The following GRIP1 variants were observed in gnomAD, a reference collection of about 807,000 sequenced individuals.
GRIP1 encodes the protein glutamate receptor interacting protein 1, also known as glutamate receptor-interacting protein 1.
A neutral mutation model predicts 129.9 loss-of-function variants in GRIP1; 45 were observed. The observed-to-expected ratio is 0.35, with a 90% CI of 0.27 to 0.44. GRIP1 has a LOEUF of 0.44. GRIP1 is among the 20% of genes least tolerant of loss of function. GRIP1 has a pLI of 1.00. For synonymous variants in GRIP1, 530 were observed against 520.8 expected, an observed-to-expected ratio of 1.02 and a Z score of -0.24; for missense variants, 1,196 against 1,396.8, an observed-to-expected ratio of 0.86 and a Z score of 2.29.
intron 15 of GRIP1, among the ~76,000 whole-genome samples, chr12:66,413,634 A>C (rs1339028874): frequency 6.6e-6 from 1 of 152,170 alleles, no homozygotes; most frequent in Admixed American, 6.5e-5. Flanking sequence ...CCTGGGAGAG[A>C]TATACAACAG....
chr12:66,430,332 G>A (rs1486117461), intron 14 of GRIP1, among the ~76,000 whole-genome samples: 1 of 152,226 alleles, frequency 6.6e-6, no homozygotes, highest in Non-Finnish European at 1.5e-5. Context: ...TGTAGCTCTA[G>A]AAGAACTGAC....
At chr12:66,681,888 T>C (rs551822199), upstream of GRIP1, among the ~76,000 whole-genome samples, 40 of 152,174 alleles carry the variant, frequency 2.6e-4, no homozygotes, top group Non-Finnish European at 4.3e-4. Context: ...TGCTAAGGTG[T>C]AATACAAGTG....
intron 1 of GRIP1, among the ~76,000 whole-genome samples, chr12:66,845,826 T>C (rs1471060177): frequency 6.6e-6 from 1 of 152,166 alleles, no homozygotes; most frequent in Non-Finnish European, 1.5e-5. Flanking sequence ...ATAATTCTCT[T>C]AATGAAGTGC....
At position 66,550,089 on chromosome 12, in the gene GRIP1, G is replaced by A. The variant is rs182068577; in HGVS notation, c.137-8139C>T. Among the ~76,000 whole-genome samples the A allele has an allele frequency of 2.7e-3, 417 of 152,102 alleles. 4 individuals are homozygous for A. In the Middle Eastern group the frequency reaches 0.044, roughly 16 times the overall value. On this transcript the variant is annotated intron_variant, in intron 2 of 24. Coordinates refer to ENST00000359742, the MANE Select transcript of GRIP1 (RefSeq NM_001366722.1). ...AAAAAATCCCTGCTTTTAAAATATG[G>A]CAATACGAGAATTGTTCCAATTTCT...
chr12:66,571,047 A>T (rs1164783850), intron 2 of GRIP1: 1 of 152,230 alleles, frequency 6.6e-6, no homozygotes, highest in African/African-American at 2.4e-5. Flanking sequence ...TTCTTTCTGC[A>T]CTATCACTTT....
At position 66,813,257 on chromosome 12, in the gene GRIP1, C is replaced by T. The variant is rs140084576; in HGVS notation, c.59-216330G>A. 3.5e-3 allele frequency among the ~76,000 whole-genome samples: 530 copies of T among 152,160 alleles called. 2 individuals carry two copies. Among genetic ancestry groups the T allele is most frequent in the African/African-American group, 0.012 (478 of 41,510 alleles). The stretch of plus-strand genomic sequence containing the variant: ...GGAAGCAAGAGAGAGGAAAAGGTGC[C>T]GGGCTCCTTGTAAATAACCAGCTCT... On this transcript the variant is annotated intron_variant, in intron 1 of 1. Transcript: ENST00000643019.
At chr12:66,653,758 T>C (rs1238946793) in intron 1 of GRIP1, among the ~76,000 whole-genome samples, 2 of 152,164 alleles carry the variant, frequency 1.3e-5, no homozygotes, top group African/African-American at 2.4e-5. Flanking sequence ...GCTTAACACA[T>C]AGCAATGAAA....
chr12:66,542,691 C>A (rs2061822582), intron 2 of GRIP1, among the ~76,000 whole-genome samples: 1 of 152,160 alleles, frequency 6.6e-6, no homozygotes, highest in Non-Finnish European at 1.5e-5. Flanking sequence ...GGTAAGAAAA[C>A]TGTAAGAATA....
At chr12:66,568,410 A>T (rs1383663244) in intron 2 of GRIP1, 1 of 173,282 alleles carries the variant, frequency 5.8e-6, no homozygotes, top group East Asian at 1.7e-4. Flanking sequence ...CTTTAGTAAG[A>T]TCCATACTAA....
At chr12:66,880,552 T>C (rs2040460888) in intron 1 of GRIP1, among the ~76,000 whole-genome samples, 3 of 152,114 alleles carry the variant, frequency 2.0e-5, no homozygotes, top group Non-Finnish European at 2.9e-5. Flanking sequence ...GACAGAGTGA[T>C]GGACTCTTTA....
At chr12:66,538,491 T>C (rs530250866) in intron 4 of GRIP1, among the ~76,000 whole-genome samples, 1 of 151,842 alleles carries the variant, frequency 6.6e-6, no homozygotes, top group East Asian at 2.0e-4. Flanking sequence ...CCACCATGCC[T>C]AGCCCTTGCA....
chr12:66,751,310 G>A (rs183685458), intron 1 of GRIP1, among the ~76,000 whole-genome samples: 108 of 152,238 alleles, frequency 7.1e-4, no homozygotes, highest in Non-Finnish European at 1.1e-3. Context: ...AGAGGAGTTC[G>A]GTGAGTAGAG....
At chr12:66,882,706 A>G (rs1476261401) in intron 1 of GRIP1, among the ~76,000 whole-genome samples, 1 of 152,198 alleles carries the variant, frequency 6.6e-6, no homozygotes, top group Admixed American at 6.5e-5. Context: ...AAATATTATA[A>G]GCATTAATAT....
intron 1 of GRIP1, among the ~76,000 whole-genome samples, chr12:67,065,467 G>A (rs1255377944): frequency 6.6e-6 from 1 of 152,056 alleles, no homozygotes; most frequent in African/African-American, 2.4e-5. Context: ...GTTTTCCCCT[G>A]GTGAATGTAT....
intron 1 of GRIP1, among the ~76,000 whole-genome samples, chr12:66,851,500 G>A (rs766181150): frequency 1.3e-4 from 19 of 151,992 alleles, no homozygotes; most frequent in African/African-American, 3.9e-4. Context: ...AATCTTCATC[G>A]TGCAGGTTTC....
At chr12:66,521,863 C>G (rs373977094) in intron 5 of GRIP1, among the ~76,000 whole-genome samples, 1 of 152,192 alleles carries the variant, frequency 6.6e-6, no homozygotes, top group African/African-American at 2.4e-5. Flanking sequence ...TATCCCGTAC[C>G]TGGCTTGGAG....
chr12:66,949,994 T>C (rs1216734214), intron 1 of GRIP1, among the ~76,000 whole-genome samples: 1 of 151,612 alleles, frequency 6.6e-6, no homozygotes, highest in Non-Finnish European at 1.5e-5. Context: ...GCCAAGATGG[T>C]CTCAATCTCC....
chr12:66,694,300 G>A (rs970472746), intron 1 of GRIP1, among the ~76,000 whole-genome samples: 2 of 152,098 alleles, frequency 1.3e-5, no homozygotes, highest in African/African-American at 4.8e-5. Context: ...GCCATTATGA[G>A]CTTTGTAGTT....
At chr12:66,927,124 A>G (rs2041309729) in intron 1 of GRIP1, among the ~76,000 whole-genome samples, 1 of 152,208 alleles carries the variant, frequency 6.6e-6, no homozygotes, top group Non-Finnish European at 1.5e-5. Flanking sequence ...TTACTTGTCT[A>G]TACCCTCCAG....
Sources: gnomAD v4.1 joint callset for allele counts (sites outside exome capture counted in the v4.1 genomes callset) on GRCh38, gnomAD v4.1.1 for gene constraint, MANE v1.5 for transcripts, NCBI Gene and HGNC (gene_info 2026-07-23, HGNC 2026-07-21) for gene names.